Variants in HMGCLL1 observed in about 807,000 individuals in gnomAD.
The protein encoded by HMGCLL1 is 3-hydroxy-3-methylglutaryl-CoA lyase like 1.
A neutral mutation model predicts 39.1 loss-of-function variants in HMGCLL1; 36 were observed. The observed-to-expected ratio is 0.92, with a 90% CI of 0.71 to 1.22. HMGCLL1 has a LOEUF of 1.22. HMGCLL1 is among the 50% of genes most tolerant of loss of function. The pLI is 0.00. For missense variants in HMGCLL1, 451 were observed against 416.5 expected (o/e 1.08, Z -0.72); for synonymous variants, 149 against 144.0 (o/e 1.03, Z -0.25).
chr6:55,525,393 A>G (rs1719799943), intron 3 of HMGCLL1, among the ~76,000 whole-genome samples: 1 of 152,028 alleles, frequency 6.6e-6, no homozygotes, highest in South Asian at 2.1e-4. Flanking sequence ...ATGAGTGAAG[A>G]TTGGAATGAC....
chr6:55,480,917 G>T (rs1239532683), intron 7 of HMGCLL1, among the ~76,000 whole-genome samples: 3 of 152,048 alleles, frequency 2.0e-5, no homozygotes, highest in Non-Finnish European at 4.4e-5. Context: ...ACTTACTTGT[G>T]GGAGCTAAAA....
intron 1 of HMGCLL1, among the ~76,000 whole-genome samples, chr6:55,549,090 C>A (rs1308191641): frequency 1.3e-5 from 2 of 151,420 alleles, no homozygotes; most frequent in Non-Finnish European, 2.9e-5. Context: ...GGCAATTTAA[C>A]ATTGAAACAA....
the HMGCLL1 span, among the ~76,000 whole-genome samples, chr6:55,677,336 C>T: frequency 6.4e-4 from 98 of 152,226 alleles, no homozygotes; most frequent in South Asian, 6.6e-3. Flanking sequence ...CTGCAGTGAG[C>T]CTTGGTGACA....
intron 3 of HMGCLL1, among the ~76,000 whole-genome samples, chr6:55,526,976 A>G (rs918047637): frequency 6.6e-6 from 1 of 152,036 alleles, no homozygotes; most frequent in Admixed American, 6.6e-5. Context: ...CTAGATAGTG[A>G]TATTAGAAAT....
At chr6:55,627,436 T>A in the HMGCLL1 span, among the ~76,000 whole-genome samples, 1 of 152,048 alleles carries the variant, frequency 6.6e-6, no homozygotes, top group Non-Finnish European at 1.5e-5. Flanking sequence ...CATTATTGTC[T>A]TCATTTTAAG....
At chr6:55,486,622 C>T (rs960758277) in intron 7 of HMGCLL1, among the ~76,000 whole-genome samples, 1 of 152,054 alleles carries the variant, frequency 6.6e-6, no homozygotes, top group Non-Finnish European at 1.5e-5. Flanking sequence ...ACTCACTGTC[C>T]TTCTCCCAAA....
chr6:55,656,380 T>C, the HMGCLL1 span, among the ~76,000 whole-genome samples: 1 of 152,018 alleles, frequency 6.6e-6, no homozygotes, highest in Non-Finnish European at 1.5e-5. Flanking sequence ...ATCTATCTTT[T>C]TATTTTTCTT....
Position 55,506,522 on chromosome 6 carries a change from C to T in HMGCLL1, c.543-7223G>A, listed in dbSNP as rs1767171295. On this transcript the variant is annotated intron_variant, in intron 5 of 8. Transcript: ENST00000274901. Reference sequence around the variant, plus strand: ...TCTGAAAATATGAAATGGAAAATTCCAGAATAAACAATTCATAAGCTTAAA... The same window carrying T: ...TCTGAAAATATGAAATGGAAAATTCTAGAATAAACAATTCATAAGCTTAAA... Among the ~76,000 whole-genome samples the T allele has an allele frequency of 2.0e-5, 3 of 151,684 alleles. No individual in the cohort carries two copies. In the South Asian group the frequency reaches 6.2e-4, roughly 31 times the overall value.
chr6:55,658,233 T>C, the HMGCLL1 span, among the ~76,000 whole-genome samples: 5 of 151,984 alleles, frequency 3.3e-5, no homozygotes, highest in Non-Finnish European at 5.9e-5. Flanking sequence ...TCTCTTTTTG[T>C]CTGCCTTCCA....
chr6:55,637,714 A>ATGTGTGTGTGTGTG, the HMGCLL1 span, among the ~76,000 whole-genome samples: 245 of 148,686 alleles, frequency 1.6e-3, 1 homozygote, highest in African/African-American at 3.2e-3. Flanking sequence ...ATAATTTGAT[A>ATGTGTGTGTGTGTG]TGTGTGTGTG....
At chr6:55,463,735 G>A (rs887495974) in intron 7 of HMGCLL1, among the ~76,000 whole-genome samples, 10 of 152,162 alleles carry the variant, frequency 6.6e-5, no homozygotes, top group Non-Finnish European at 7.4e-5. Flanking sequence ...AAGAAAGTGA[G>A]CTTTGTTTGT....
At chr6:55,653,946 A>G in the HMGCLL1 span, among the ~76,000 whole-genome samples, 2 of 152,070 alleles carry the variant, frequency 1.3e-5, no homozygotes, top group Admixed American at 6.6e-5. Context: ...TCCCAAAATA[A>G]TTATGTTGAG....
chr6:55,634,691 C>A, the HMGCLL1 span, among the ~76,000 whole-genome samples: 2 of 152,028 alleles, frequency 1.3e-5, no homozygotes, highest in African/African-American at 4.8e-5. Flanking sequence ...ACAATAAGAA[C>A]CCTTGTGGCA....
the HMGCLL1 span, among the ~76,000 whole-genome samples, chr6:55,662,194 A>T: frequency 1.3e-5 from 2 of 151,586 alleles, no homozygotes; most frequent in Non-Finnish European, 2.9e-5. Flanking sequence ...TTCTTAACTG[A>T]TTGCTCTGGC....
chr6:55,623,484 T>C, the HMGCLL1 span, among the ~76,000 whole-genome samples: 1 of 151,768 alleles, frequency 6.6e-6, no homozygotes, highest in Non-Finnish European at 1.5e-5. Flanking sequence ...AAAATTTCTT[T>C]CTTAACTTCT....
At chr6:55,606,089 TA>T in the HMGCLL1 span, among the ~76,000 whole-genome samples, 1 of 152,138 alleles carries the variant, frequency 6.6e-6, no homozygotes, top group African/African-American at 2.4e-5. Context: ...GTACTTCTAT[TA>T]CTACTTTTTA....
the HMGCLL1 span, among the ~76,000 whole-genome samples, chr6:55,611,074 T>C: frequency 1.3e-5 from 2 of 152,162 alleles, no homozygotes; most frequent in African/African-American, 2.4e-5. Context: ...CAGACCACAG[T>C]GTGATCAAAC....
At chr6:55,636,689 C>A in the HMGCLL1 span, among the ~76,000 whole-genome samples, 3 of 152,040 alleles carry the variant, frequency 2.0e-5, no homozygotes, top group African/African-American at 7.2e-5. Flanking sequence ...CACACCAGGT[C>A]CCCCATGCAT....
the HMGCLL1 span, among the ~76,000 whole-genome samples, chr6:55,671,874 CAATAT>C: frequency 1.3e-5 from 2 of 151,446 alleles, no homozygotes; most frequent in African/African-American, 4.8e-5. Flanking sequence ...GAATATTACA[CAATAT>C]AATTTTTAGA....
Sources: allele counts gnomAD v4.1 joint callset (sites outside exome capture counted in the v4.1 genomes callset), GRCh38; gene constraint gnomAD v4.1.1; transcripts MANE v1.5; gene names NCBI Gene and HGNC (gene_info 2026-07-23, HGNC 2026-07-21).